Variants in SGSM1 observed in about 807,000 individuals in gnomAD.
SGSM1 encodes the protein small G protein signaling modulator 1.
In SGSM1, 73 loss-of-function variants were observed where a neutral mutation model predicts 133.8. The observed-to-expected ratio is 0.55, with a 90% confidence interval of 0.45 to 0.66. SGSM1 has a LOEUF of 0.66. SGSM1 is among the 30% of genes least tolerant of loss of function. The probability of loss-of-function intolerance (pLI) is 0.00; values close to 1 mark genes in which losing one functional copy is unlikely to be tolerated. For synonymous variants in SGSM1, 563 were observed against 573.0 expected (o/e 0.98, Z 0.25); for missense variants, 1,213 against 1,448.1 (o/e 0.84, Z 2.64).
intron 2 of SGSM1, among the ~76,000 whole-genome samples, chr22:24,835,508 A>G (rs1486064928): frequency 1.3e-5 from 2 of 152,146 alleles, no homozygotes; most frequent in African/African-American, 4.8e-5. Flanking sequence ...CGTGGTGGAC[A>G]TGTGAAGGAC....
chr22:24,819,023 G>T (rs1046714330), intron 2 of SGSM1, among the ~76,000 whole-genome samples: 2 of 151,754 alleles, frequency 1.3e-5, no homozygotes. Flanking sequence ...GTGTGTGCCT[G>T]TAGTCCCAGC....
chr22:24,883,832 T>C (rs1932458312), intron 14 of SGSM1, among the ~76,000 whole-genome samples: 1 of 152,142 alleles, frequency 6.6e-6, no homozygotes, highest in Non-Finnish European at 1.5e-5. Context: ...GGCGCGTGCC[T>C]CTGGTCCCAG....
chr22:24,881,596 A>C lies in SGSM1; in HGVS notation c.1495+2070A>C, dbSNP rs537744554. On this transcript the variant is annotated intron_variant, in intron 14 of 24. Transcript: ENST00000400358. ...CAAAACAAAACAAAACAAAACAAAA[A>C]AAACCAGCAACAACAACAAAAATAG... Among the ~76,000 whole-genome samples, 5 of 149,844 alleles carry C rather than the reference A, an allele frequency of 3.3e-5. No homozygotes were observed. In the South Asian group the frequency reaches 6.6e-4, roughly 20 times the overall value.
In SGSM1 at chr22:24,847,638, T is replaced by C; in HGVS notation, c.144T>C (p.Ala48=). 1.2e-6 allele frequency: 2 copies of C among 1,613,180 alleles called. No homozygotes were observed. The highest frequency in any genetic ancestry group is 1.7e-6 in the Non-Finnish European group (2 of 1,179,626). ...CTGACTGCCATGTCCCTGCAGCGGC[T>C]GTGGAGGCCTGCGTTCTGCACGGGC... is the stretch of plus-strand genomic sequence containing the variant. ...DSSHIISFCA[A]VEACVLHGLR... The change falls in exon 4 of 25, where the codon GCT becomes GCC. Residue 48 remains alanine, a synonymous_variant. Coordinates refer to ENST00000400358, the MANE Select transcript of SGSM1 (RefSeq NM_001098497.3).
At chr22:24,860,915 AAAAAAAAATATATATAT>A (rs1339105484) in intron 9 of SGSM1, among the ~76,000 whole-genome samples, 1 of 109,498 alleles carries the variant, frequency 9.1e-6, no homozygotes, top group African/African-American at 4.5e-5. Flanking sequence ...AAAAAAAAAA[AAAAAAAAATATATATAT>A]ATATATATAT....
rs1326245267 is a variant in SGSM1 at position 24,859,764 on chromosome 22, G to T, written c.850G>T (p.Ala284Ser). The T allele has an allele frequency of 6.2e-7, 1 of 1,613,980 alleles. No homozygotes were observed. The highest frequency in any genetic ancestry group is 1.1e-5 in the South Asian group (1 of 91,088). The change falls in exon 9 of 25, where the codon GCT becomes TCT. Residue 284 changes from alanine to serine, a missense_variant. Physicochemically the swap from Ala to Ser is moderately conservative, Grantham distance 99. Transcript: ENST00000400358. ...AGGGTACCTGTCCCTGCACCAGACG[G>T]CTGACGTCATGACCTTGAAGTGGAC... ...VPGYLSLHQT[A>S]DVMTLKWTPN...
intron 9 of SGSM1, among the ~76,000 whole-genome samples, chr22:24,866,738 G>A (rs1045843720): frequency 1.3e-5 from 2 of 152,170 alleles, no homozygotes; most frequent in Admixed American, 6.5e-5. Flanking sequence ...AGTCTCATTG[G>A]TTCTGCCAGA....
In SGSM1 at chr22:24,868,797, T is replaced by C. The variant is rs770249498; in HGVS notation, c.1233T>C (p.Asp411=). 6 of 1,613,990 alleles carry C rather than the reference T, an allele frequency of 3.7e-6. No homozygotes were observed. The highest frequency in any genetic ancestry group is 2.2e-5 in the South Asian group (2 of 91,080). ...AGTCCACATCTTCAGACAAAGATGA[T>C]GATGAGGCCACGGATTATGTGTTCA... ...SAESTSSDKD[D]DEATDYVFRI... is the part of the protein sequence containing the mutation. The change falls in exon 12 of 25, where the codon GAT becomes GAC. Residue 411 remains aspartate, a synonymous_variant. Transcript: ENST00000400358.
chr22:24,868,640 G>A (rs1016152553), intron 11 of SGSM1, 83 bp from the exon 12 acceptor site: 245 of 1,609,058 alleles, frequency 1.5e-4, no homozygotes, highest in Non-Finnish European at 2.0e-4. Flanking sequence ...GGCCTCATGC[G>A]CTCTCCACTG....
chr22:24,812,177 G>GAA (rs60027692), intron 2 of SGSM1, among the ~76,000 whole-genome samples: 9 of 105,834 alleles, frequency 8.5e-5, no homozygotes, highest in South Asian at 2.7e-4. Flanking sequence ...CTCAAAAAAA[G>GAA]AAAAAAAAAA....
intron 16 of SGSM1, among the ~76,000 whole-genome samples, chr22:24,889,744 A>G (rs1450702703): frequency 6.1e-4 from 75 of 123,118 alleles, no homozygotes; most frequent in Middle Eastern, 6.0e-3. Flanking sequence ...CTGCCTGCTG[A>G]GTTCACACCA....
intron 12 of SGSM1, among the ~76,000 whole-genome samples, chr22:24,872,124 C>G (rs1384246682): frequency 6.6e-6 from 1 of 152,158 alleles, no homozygotes; most frequent in African/African-American, 2.4e-5. Context: ...AAAGTATTTA[C>G]TGTCAGGCTT....
chr22:24,827,077 G>A (rs892454776), intron 2 of SGSM1, among the ~76,000 whole-genome samples: 3 of 152,064 alleles, frequency 2.0e-5, no homozygotes, highest in Admixed American at 6.5e-5. Flanking sequence ...TGACAGCTCC[G>A]CACCCTGGGG....
chr22:24,813,426 C>T (rs1927865532), intron 2 of SGSM1, among the ~76,000 whole-genome samples: 1 of 152,190 alleles, frequency 6.6e-6, no homozygotes. Context: ...CTTTGCTAAG[C>T]TTTTCCATTC....
intron 24 of SGSM1, among the ~76,000 whole-genome samples, chr22:24,923,145 A>G (rs200921941): frequency 1.0e-5 from 1 of 95,936 alleles, no homozygotes; most frequent in East Asian, 9.1e-4. Flanking sequence ...GTCTCAAAAG[A>G]AAAAAAAAGA....
chr22:24,890,146 C>T (rs1932786991), intron 16 of SGSM1, among the ~76,000 whole-genome samples: 1 of 151,830 alleles, frequency 6.6e-6, no homozygotes, highest in Non-Finnish European at 1.5e-5. Flanking sequence ...TTAGCAGAGA[C>T]AGGGTTTTAC....
chr22:24,910,510 G>C (rs901239354), intron 21 of SGSM1, among the ~76,000 whole-genome samples: 22 of 152,142 alleles, frequency 1.4e-4, no homozygotes, highest in Admixed American at 3.9e-4. Context: ...AGCTGGGCAT[G>C]GTGGTGCACA....
At chr22:24,917,579 T>G in intron 22 of SGSM1, 79 bp from the exon 23 acceptor site, 2 of 986,524 alleles carry the variant, frequency 2.0e-6, no homozygotes, top group Admixed American at 2.0e-5. Context: ...GGTGTGTGGA[T>G]GTACCACCAT....
chr22:24,806,603 G>C, intron 2 of SGSM1, 119 bp downstream of exon 2: 1 of 1,232,296 alleles, frequency 8.1e-7, no homozygotes, highest in Non-Finnish European at 1.1e-6. Flanking sequence ...ACAGGTGTGG[G>C]GCTCACCTGG....
Sources: allele counts gnomAD v4.1 joint callset (sites outside exome capture counted in the v4.1 genomes callset), GRCh38; gene constraint gnomAD v4.1.1; transcripts MANE v1.5; gene names NCBI Gene and HGNC (gene_info 2026-07-23, HGNC 2026-07-21).